THSD7A: variants seen among roughly 807,000 people sequenced by gnomAD.
THSD7A encodes the protein thrombospondin type-1 domain-containing protein 7A.
A neutral mutation model predicts 231.3 loss-of-function variants in THSD7A; 96 were observed. The ratio of observed to expected loss-of-function variants is 0.41; its 90% CI spans 0.35 to 0.49. THSD7A has a LOEUF of 0.49. Ranked by LOEUF, THSD7A falls within the 20% of genes least tolerant of loss-of-function variation. The pLI is 0.05. For missense variants in THSD7A, 2,290 were observed against 2,070.2 expected, an observed-to-expected ratio of 1.11 and a Z score of -2.06; for synonymous variants, 940 against 743.3, an observed-to-expected ratio of 1.26 and a Z score of -4.30.
At chr7:11,773,822 T>A (rs1177024024) in intron 1 of THSD7A, among the ~76,000 whole-genome samples, 1 of 151,878 alleles carries the variant, frequency 6.6e-6, no homozygotes, top group African/African-American at 2.4e-5. Flanking sequence ...AAATAAAAAA[T>A]TGCACATAAG....
intron 6 of THSD7A, among the ~76,000 whole-genome samples, chr7:11,487,570 C>T (rs957222123): frequency 2.6e-5 from 4 of 152,032 alleles, no homozygotes; most frequent in East Asian, 1.9e-4. Context: ...TCAAGATATA[C>T]CCAAGACTGG....
chr7:11,566,239 T>C (rs1330921242), intron 4 of THSD7A, among the ~76,000 whole-genome samples: 3 of 152,222 alleles, frequency 2.0e-5, no homozygotes, highest in Non-Finnish European at 4.4e-5. Flanking sequence ...TCATGACCTA[T>C]GCTCAACCTT....
At chr7:11,500,707 A>G (rs1391602121) in intron 6 of THSD7A, among the ~76,000 whole-genome samples, 1 of 152,094 alleles carries the variant, frequency 6.6e-6, no homozygotes, top group Non-Finnish European at 1.5e-5. Flanking sequence ...TAGGGGGCCA[A>G]GGCGGGTGGA....
In THSD7A at chr7:11,370,661, C is replaced by A. The variant is rs1159164038; in HGVS notation, c.*5133G>T. The stretch of plus-strand genomic sequence containing the variant: ...AAAATAAATTACATTACGCAATTTA[C>A]AAAGTAATATTAACAAAAATTCTTA... On this transcript the variant is annotated 3_prime_UTR_variant, in exon 28 of 28. Coordinates refer to ENST00000423059, the MANE Select transcript of THSD7A (RefSeq NM_015204.3). The A allele has an allele frequency of 1.3e-5, 2 of 152,000 alleles. No individual in the cohort carries two copies. Among genetic ancestry groups the A allele is most frequent in the African/African-American group, 4.8e-5 (2 of 41,402 alleles). The allele number at this position is 152,000 out of a possible 1,614,324, so 9.4% of individuals were successfully genotyped here.
chr7:11,540,671 G>A (rs1789107684), intron 6 of THSD7A, among the ~76,000 whole-genome samples: 1 of 152,140 alleles, frequency 6.6e-6, no homozygotes, highest in Non-Finnish European at 1.5e-5. Context: ...TGTGACTCAG[G>A]GATGACTTAG....
At chr7:11,803,676 T>C (rs1784334289) in intron 1 of THSD7A, among the ~76,000 whole-genome samples, 1 of 152,182 alleles carries the variant, frequency 6.6e-6, no homozygotes, top group South Asian at 2.1e-4. Context: ...CCTGTTAACA[T>C]AAACTATGGT....
At chr7:11,742,954 G>A (rs965524679) in intron 1 of THSD7A, among the ~76,000 whole-genome samples, 21 of 151,836 alleles carry the variant, frequency 1.4e-4, no homozygotes, top group Non-Finnish European at 2.6e-4. Context: ...TACCATCAAT[G>A]TTAGAAGTGT....
At chr7:11,658,119 AAC>A (rs1016930808) in intron 1 of THSD7A, among the ~76,000 whole-genome samples, 4 of 151,778 alleles carry the variant, frequency 2.6e-5, no homozygotes, top group Non-Finnish European at 5.9e-5. Flanking sequence ...GAGAAAAATG[AAC>A]ACATAGGTTA....
chr7:11,387,233 T>A (rs1252524388), intron 23 of THSD7A, among the ~76,000 whole-genome samples: 1 of 152,206 alleles, frequency 6.6e-6, no homozygotes, highest in Non-Finnish European at 1.5e-5. Flanking sequence ...AGTAGTTTTT[T>A]TCTAATTCTG....
chr7:11,400,059 G>A (rs903417067), intron 23 of THSD7A, among the ~76,000 whole-genome samples: 7 of 151,348 alleles, frequency 4.6e-5, no homozygotes, highest in Non-Finnish European at 8.8e-5. Flanking sequence ...ACTATGGCAA[G>A]GACGAAAAAC....
chr7:11,433,114 T>C (rs1441175419), intron 13 of THSD7A, among the ~76,000 whole-genome samples: 5 of 151,990 alleles, frequency 3.3e-5, no homozygotes, highest in Non-Finnish European at 7.4e-5. Flanking sequence ...GTATCGATAA[T>C]GATCCAGAGG....
chr7:11,491,377 AC>A (rs1583841073), intron 6 of THSD7A, among the ~76,000 whole-genome samples: 1 of 151,486 alleles, frequency 6.6e-6, no homozygotes, highest in African/African-American at 2.4e-5. Context: ...CAGTAGGAGT[AC>A]TAAGACACAT....
rs1051006677 is a variant in THSD7A at position 11,375,650 on chromosome 7, T to C, written c.*144A>G. Reference sequence around the variant, plus strand: ...GTCTTAAATATCTCCAGTGGCAGTATGATTTTCACTCTTGTCTTTATGATG... The same window carrying C: ...GTCTTAAATATCTCCAGTGGCAGTACGATTTTCACTCTTGTCTTTATGATG... On this transcript the variant is annotated 3_prime_UTR_variant, in exon 28 of 28. Transcript: ENST00000423059. 1.5e-6 allele frequency: 1 copy of C among 646,102 alleles called. No homozygotes were observed. Among genetic ancestry groups the C allele is most frequent in the Admixed American group, 3.0e-5 (1 of 33,176 alleles). The allele number at this position is 646,102 out of a possible 1,614,324, so 40.0% of individuals were successfully genotyped here. A position where few individuals can be genotyped will look rare whatever the true frequency, so the allele number is the denominator to read the frequency against.
chr7:11,604,636 T>G (rs559239509), intron 2 of THSD7A, among the ~76,000 whole-genome samples: 1 of 152,242 alleles, frequency 6.6e-6, no homozygotes, highest in South Asian at 2.1e-4. Context: ...AGCTAGAAAT[T>G]AGCAGGCCTG....
chr7:11,377,933 T>C lies in THSD7A; in HGVS notation c.4801+1137A>G, dbSNP rs1345706793. ...AATTCTTAGTGAAGGTCAAAATTGC[T>C]ACTGGTTGTCTGCTAGTCCATTGTC... is the stretch of plus-strand genomic sequence containing the variant. On this transcript the variant is annotated intron_variant, in intron 26 of 27. Transcript: ENST00000423059. The surrounding 1 kb of genome is among the most constrained non-coding windows in gnomAD (Gnocchi z 4.5). 6.6e-6 allele frequency: 1 copy of C among 152,116 alleles called. No individual in the cohort carries two copies. The highest frequency in any genetic ancestry group is 1.5e-5 in the Non-Finnish European group (1 of 68,008). The allele number at this position is 152,116 out of a possible 1,614,324, so 9.4% of individuals were successfully genotyped here. A position where few individuals can be genotyped will look rare whatever the true frequency, so the allele number is the denominator to read the frequency against.
chr7:11,423,537 T>G (rs1341809412), intron 16 of THSD7A, among the ~76,000 whole-genome samples: 1 of 151,804 alleles, frequency 6.6e-6, no homozygotes, highest in Non-Finnish European at 1.5e-5. Flanking sequence ...CCCAGCTAAT[T>G]TTTTGTATTT....
chr7:11,797,459 C>A (rs1048700428), intron 1 of THSD7A, among the ~76,000 whole-genome samples: 10 of 146,818 alleles, frequency 6.8e-5, no homozygotes, highest in African/African-American at 2.5e-4. Context: ...TTCTGTAACC[C>A]ACGCTGGAGT....
chr7:11,416,289 C>A (rs140267246), intron 17 of THSD7A, among the ~76,000 whole-genome samples: 1 of 152,222 alleles, frequency 6.6e-6, no homozygotes, highest in African/African-American at 2.4e-5. Flanking sequence ...TTATTAAAAT[C>A]CCTATTAATA....
At chr7:11,594,685 C>T (rs1780295817) in intron 2 of THSD7A, among the ~76,000 whole-genome samples, 1 of 152,124 alleles carries the variant, frequency 6.6e-6, no homozygotes, top group African/African-American at 2.4e-5. Flanking sequence ...ATGATAAACT[C>T]AGGGATTCTA....
Sources: allele counts gnomAD v4.1 joint callset (sites outside exome capture counted in the v4.1 genomes callset), GRCh38; gene constraint gnomAD v4.1.1; non-coding constraint Gnocchi (gnomAD v3.1); transcripts MANE v1.5; gene names NCBI Gene and HGNC (gene_info 2026-07-23, HGNC 2026-07-21).